Variants in HTT-AS observed in about 807,000 individuals in gnomAD.
HTT-AS encodes the protein HTT antisense RNA (head to head).
At chr4:3,071,009 A>T (rs557132418) in intron 1 of HTT-AS, among the ~76,000 whole-genome samples, 1 of 152,288 alleles carries the variant, frequency 6.6e-6, no homozygotes, top group Non-Finnish European at 1.5e-5. Flanking sequence ...TTGACAGTCC[A>T]TTTCTGTAAG....
exon 2 of HTT-AS, among the ~76,000 whole-genome samples, chr4:3,062,946 G>T (rs1174657064): frequency 1.3e-5 from 2 of 152,102 alleles, no homozygotes; most frequent in South Asian, 4.1e-4. Flanking sequence ...GCTCAGGAAA[G>T]ACCTATGTCC....
chr4:3,071,753 C>T (rs1712178543), intron 1 of HTT-AS, among the ~76,000 whole-genome samples: 1 of 152,020 alleles, frequency 6.6e-6, no homozygotes, highest in Non-Finnish European at 1.5e-5. Flanking sequence ...CATAATCCGA[C>T]TGATGTCTTA....
chr4:3,062,111 T>C (rs1040782275), intron 2 of HTT-AS, among the ~76,000 whole-genome samples: 1 of 152,070 alleles, frequency 6.6e-6, no homozygotes, highest in African/African-American at 2.4e-5. Context: ...GCTTCAGTGA[T>C]TTGGGGGCTC....
At chr4:3,067,831 G>C in intron 1 of HTT-AS, among the ~76,000 whole-genome samples, 2 of 152,250 alleles carry the variant, frequency 1.3e-5, no homozygotes, top group Admixed American at 1.3e-4. Flanking sequence ...AGGGGACCTC[G>C]AGGGCCATCT....
downstream of HTT-AS, among the ~76,000 whole-genome samples, chr4:3,048,995 T>A (rs2110119544): frequency 6.6e-6 from 1 of 152,324 alleles, no homozygotes; most frequent in South Asian, 2.1e-4. Flanking sequence ...TCTATCAAAG[T>A]ATAAAGTTAT....
At chr4:3,061,951 C>G (rs1309546430) in intron 2 of HTT-AS, among the ~76,000 whole-genome samples, 3 of 144,862 alleles carry the variant, frequency 2.1e-5, no homozygotes, top group Non-Finnish European at 4.5e-5. Context: ...CACTGCACTC[C>G]AGCCCGGACG....
intron 2 of HTT-AS, among the ~76,000 whole-genome samples, chr4:3,052,585 T>C (rs897591231): frequency 6.6e-6 from 1 of 152,170 alleles, no homozygotes; most frequent in Non-Finnish European, 1.5e-5. Context: ...TTACTTCACA[T>C]AGAGACTTGG....
At chr4:3,056,604 C>T (rs1330718983) in intron 2 of HTT-AS, among the ~76,000 whole-genome samples, 1 of 152,210 alleles carries the variant, frequency 6.6e-6, no homozygotes, top group Non-Finnish European at 1.5e-5. Context: ...TATGACCAAA[C>T]TGCCCTTCTG....
chr4:3,046,263 G>C (rs1711583892), downstream of HTT-AS, among the ~76,000 whole-genome samples: 1 of 152,208 alleles, frequency 6.6e-6, no homozygotes, highest in Non-Finnish European at 1.5e-5. Context: ...AGACAAAAAA[G>C]GGAAGTGACA....
At chr4:3,051,487 T>G (rs1578464158) in intron 2 of HTT-AS, among the ~76,000 whole-genome samples, 2 of 152,140 alleles carry the variant, frequency 1.3e-5, no homozygotes, top group Middle Eastern at 6.8e-3. Context: ...CATTTTCCTT[T>G]ATGATGTGGC....
At chr4:3,060,599 A>G (rs1336898286) in intron 2 of HTT-AS, among the ~76,000 whole-genome samples, 1 of 152,220 alleles carries the variant, frequency 6.6e-6, no homozygotes, top group Non-Finnish European at 1.5e-5. Flanking sequence ...GCAGCCCCCA[A>G]GCATTTTCTT....
At chr4:3,056,552 C>T (rs1336105305) in intron 2 of HTT-AS, among the ~76,000 whole-genome samples, 2 of 152,196 alleles carry the variant, frequency 1.3e-5, no homozygotes, top group Non-Finnish European at 2.9e-5. Context: ...TACAGAAGTA[C>T]AGAGTCCTTC....
chr4:3,054,444 A>T (rs1238573065), intron 2 of HTT-AS, among the ~76,000 whole-genome samples: 7 of 152,190 alleles, frequency 4.6e-5, no homozygotes, highest in Admixed American at 2.0e-4. Flanking sequence ...AAATAGTTTT[A>T]CATGCAAGGT....
chr4:3,065,970 T>C (rs1325087508), intron 1 of HTT-AS, among the ~76,000 whole-genome samples: 1 of 152,236 alleles, frequency 6.6e-6, no homozygotes, highest in Non-Finnish European at 1.5e-5. Context: ...TGTACATTGA[T>C]GACGGACGAT....
intron 1 of HTT-AS, among the ~76,000 whole-genome samples, chr4:3,066,649 C>A (rs1040696989): frequency 6.6e-6 from 1 of 152,164 alleles, no homozygotes. Flanking sequence ...CCATACCAAT[C>A]CCTTCATATC....
At chr4:3,072,478 G>C (rs1350011567) in intron 1 of HTT-AS, among the ~76,000 whole-genome samples, 2 of 152,222 alleles carry the variant, frequency 1.3e-5, no homozygotes, top group African/African-American at 4.8e-5. Context: ...TACAGCCCAA[G>C]CTCACGGGGA....
intron 2 of HTT-AS, among the ~76,000 whole-genome samples, chr4:3,053,485 A>G (rs1055236083): frequency 4.6e-5 from 7 of 152,174 alleles, no homozygotes; most frequent in African/African-American, 1.7e-4. Flanking sequence ...CTGAGCCAAG[A>G]TTGTGCCACT....
chr4:3,061,105 TGAACCTTGGGTATTACCCCA>T (rs1475453879), intron 2 of HTT-AS, among the ~76,000 whole-genome samples: 2 of 152,358 alleles, frequency 1.3e-5, no homozygotes, highest in East Asian at 1.9e-4. Context: ...CATGAGGCAA[TGAACCTTGGGTATTACCCCA>T]GAACCTTGGG....
intron 2 of HTT-AS, among the ~76,000 whole-genome samples, chr4:3,055,143 T>G (rs771514783): frequency 1.3e-5 from 2 of 151,646 alleles, no homozygotes; most frequent in Non-Finnish European, 2.9e-5. Context: ...GGTCAGGAGA[T>G]CGAGACCATC....
Sources: gnomAD v4.1 joint callset for allele counts (sites outside exome capture counted in the v4.1 genomes callset) on GRCh38, gnomAD v4.1.1 for gene constraint, MANE v1.5 for transcripts, NCBI Gene and HGNC (gene_info 2026-07-23, HGNC 2026-07-21) for gene names.